RAD52: variants seen among roughly 807,000 people sequenced by gnomAD.
RAD52 encodes DNA repair protein RAD52 homolog.
In RAD52, 47 loss-of-function variants were observed where a neutral mutation model predicts 55.5. The ratio of observed to expected loss-of-function variants is 0.85; its 90% CI spans 0.67 to 1.08. The LOEUF is 1.08. Among genes scored for constraint, RAD52 ranks in the 50% least tolerant of loss-of-function variants. RAD52 has a pLI of 0.00. For missense variants in RAD52, 468 were observed against 522.8 expected, an observed-to-expected ratio of 0.90 and a Z score of 1.02; for synonymous variants, 184 against 198.9, an observed-to-expected ratio of 0.92 and a Z score of 0.63.
chr12:914,657 GCGC>G, intron 9 of RAD52, 125 bp from the exon 10 acceptor site: 1 of 1,128,156 alleles, frequency 8.9e-7, no homozygotes, highest in Non-Finnish European at 1.2e-6. Context: ...GCTTAGGGCT[GCGC>G]TGCTTCTGCC....
Position 914,124 on chromosome 12 carries a change from A to AC in RAD52, c.968-4dup. On this transcript the variant is annotated splice_polypyrimidine_tract_variant and splice_region_variant and intron_variant, in intron 10 of 11. Coordinates refer to ENST00000358495, the MANE Select transcript of RAD52 (RefSeq NM_134424.4). The stretch of plus-strand genomic sequence containing the variant: ...TTCAGAGTTGTCTTCAAGAGTCTCT[A>AC]CAGAGGTCAAGGAAAAGTGCGTCAT... The AC allele has an allele frequency of 1.2e-6, 2 of 1,612,162 alleles. No individual in the cohort carries two copies. Among genetic ancestry groups the AC allele is most frequent in the Non-Finnish European group, 1.7e-6 (2 of 1,178,246 alleles).
At chr12:952,693 A>C (rs2154120071), upstream of RAD52, among the ~76,000 whole-genome samples, 1 of 150,466 alleles carries the variant, frequency 6.6e-6, no homozygotes, top group Middle Eastern at 3.5e-3. Flanking sequence ...CCAGTTCGAG[A>C]TCAGCCTGGC....
chr12:954,212 A>G (rs1012375496), upstream of RAD52, among the ~76,000 whole-genome samples: 6 of 152,172 alleles, frequency 3.9e-5, no homozygotes, highest in Non-Finnish European at 8.8e-5. Context: ...ATGTGAAGGT[A>G]TTCTTTGAAA....
intron 1 of RAD52, among the ~76,000 whole-genome samples, chr12:986,571 T>C (rs138094289): frequency 0.04 from 6,006 of 151,792 alleles, 136 homozygotes; most frequent in Middle Eastern, 0.075. Context: ...CGCTGTGTTG[T>C]CTGGGGTGGT....
chr12:981,165 TA>T (rs1292424378), intron 1 of RAD52, among the ~76,000 whole-genome samples: 1 of 147,914 alleles, frequency 6.8e-6, no homozygotes, highest in African/African-American at 2.5e-5. Flanking sequence ...CCCCCGTCTC[TA>T]CCAAAAAAAA....
intron 1 of RAD52, among the ~76,000 whole-genome samples, chr12:985,691 ATTTAT>A (rs772486673): frequency 4.2e-4 from 64 of 152,120 alleles, no homozygotes; most frequent in Admixed American, 1.9e-3. Context: ...TTATTTATTT[ATTTAT>A]TTTGAGACGG....
At chr12:982,884 C>T (rs1959037691) in intron 1 of RAD52, among the ~76,000 whole-genome samples, 2 of 151,346 alleles carry the variant, frequency 1.3e-5, no homozygotes, top group Admixed American at 6.6e-5. Flanking sequence ...GAGTCTCACT[C>T]CGTCAAGCAG....
chr12:914,788 A>G (rs1239573120), intron 9 of RAD52, among the ~76,000 whole-genome samples: 1 of 151,678 alleles, frequency 6.6e-6, no homozygotes, highest in African/African-American at 2.4e-5. Context: ...CAAAAGTAAA[A>G]GGTTTCTCAC....
At chr12:966,508 A>G (rs1408604880) in intron 1 of RAD52, among the ~76,000 whole-genome samples, 1 of 152,054 alleles carries the variant, frequency 6.6e-6, no homozygotes, top group African/African-American at 2.4e-5. Flanking sequence ...ATATGAGAAA[A>G]GATAACTTGT....
At chr12:925,332 C>T (rs1341425859) in intron 7 of RAD52, 118 bp downstream of exon 7, 2 of 828,270 alleles carry the variant, frequency 2.4e-6, no homozygotes, top group Non-Finnish European at 4.1e-6. Context: ...ATCAACATTC[C>T]CGACCCTCTA....
At chr12:980,082 G>C (rs939169022) in intron 1 of RAD52, among the ~76,000 whole-genome samples, 1 of 151,804 alleles carries the variant, frequency 6.6e-6, no homozygotes, top group Non-Finnish European at 1.5e-5. Context: ...CCATCTACTC[G>C]GGAGGCTAAG....
chr12:990,282 C>T (rs1592511937), upstream of RAD52: 1 of 152,128 alleles, frequency 6.6e-6, no homozygotes, highest in East Asian at 1.9e-4. Context: ...TCACACCATT[C>T]TTACTTTCTT....
chr12:947,690 C>A (rs1409858775), intron 1 of RAD52, among the ~76,000 whole-genome samples: 1 of 151,206 alleles, frequency 6.6e-6, no homozygotes, highest in Admixed American at 6.6e-5. Context: ...AGTTCGAGAC[C>A]AGCATGGCCA....
intron 1 of RAD52, among the ~76,000 whole-genome samples, chr12:933,525 T>C (rs1957451743): frequency 6.6e-6 from 1 of 151,910 alleles, no homozygotes; most frequent in African/African-American, 2.4e-5. Context: ...TAAGCACTGC[T>C]CCAATCCAGA....
intron 1 of RAD52, among the ~76,000 whole-genome samples, chr12:958,452 G>A (rs537310341): frequency 1.1e-4 from 16 of 152,184 alleles, no homozygotes; most frequent in Non-Finnish European, 2.1e-4. Context: ...CTGACCTCAA[G>A]TGATCCACCC....
chr12:952,762 G>C (rs995832236), upstream of RAD52, among the ~76,000 whole-genome samples: 16 of 148,808 alleles, frequency 1.1e-4, no homozygotes, highest in African/African-American at 3.7e-4. Flanking sequence ...CATGGTGGTG[G>C]GTGCCTGTAA....
chr12:977,267 T>C (rs1019007846), intron 1 of RAD52, among the ~76,000 whole-genome samples: 1 of 152,226 alleles, frequency 6.6e-6, no homozygotes, highest in African/African-American at 2.4e-5. Flanking sequence ...GGCTAATTGC[T>C]GCATGTGCAA....
At chr12:930,334 G>A (rs1231252387) in intron 3 of RAD52, among the ~76,000 whole-genome samples, 190 bp from the exon 4 acceptor site, 2 of 151,222 alleles carry the variant, frequency 1.3e-5, no homozygotes, top group Non-Finnish European at 3.0e-5. Flanking sequence ...AGCTAGGATC[G>A]TGCCACTGCA....
chr12:936,229 G>A (rs1435121526), intron 1 of RAD52, among the ~76,000 whole-genome samples: 3 of 151,816 alleles, frequency 2.0e-5, no homozygotes, highest in Non-Finnish European at 2.9e-5. Context: ...GCTTGTACCC[G>A]GGAGGCGGAG....
Sources: allele counts gnomAD v4.1 joint callset (sites outside exome capture counted in the v4.1 genomes callset), GRCh38; gene constraint gnomAD v4.1.1; transcripts MANE v1.5; gene names NCBI Gene and HGNC (gene_info 2026-07-23, HGNC 2026-07-21).